Variants in MARCHF3 observed in about 807,000 individuals in gnomAD.
MARCHF3 encodes the protein E3 ubiquitin-protein ligase MARCHF3.
MARCHF3 carries 13 observed loss-of-function variants against 24.2 expected under a neutral mutation model. The observed-to-expected ratio is 0.54, with a 90% CI of 0.35 to 0.85. The LOEUF is 0.85. Among genes scored for constraint, MARCHF3 ranks in the 40% least tolerant of loss-of-function variants. The probability of loss-of-function intolerance (pLI) is 0.01; values close to 1 mark genes in which losing one functional copy is unlikely to be tolerated. For synonymous variants in MARCHF3, 144 were observed against 137.3 expected (o/e 1.05, Z -0.34); for missense variants, 276 against 325.0 (o/e 0.85, Z 1.16).
intron 1 of MARCHF3, among the ~76,000 whole-genome samples, chr5:126,938,545 A>C (rs1374534722): frequency 6.6e-6 from 1 of 151,896 alleles, no homozygotes; most frequent in African/African-American, 2.4e-5. Flanking sequence ...AAAAAAGCAA[A>C]AAAAGCAAAA....
At chr5:126,872,557 G>T (rs1366669338) in intron 4 of MARCHF3, among the ~76,000 whole-genome samples, 2 of 152,092 alleles carry the variant, frequency 1.3e-5, no homozygotes, top group Non-Finnish European at 2.9e-5. Flanking sequence ...TCTGGGAGTA[G>T]GTGTGTTGTG....
At chr5:126,960,925 C>T (rs1005375130) in intron 1 of MARCHF3, among the ~76,000 whole-genome samples, 1 of 151,944 alleles carries the variant, frequency 6.6e-6, no homozygotes, top group Admixed American at 6.6e-5. Context: ...AATGATCAGA[C>T]AATAAATATT....
intron 4 of MARCHF3, among the ~76,000 whole-genome samples, chr5:126,877,950 A>G (rs1392981131): frequency 6.6e-6 from 1 of 152,206 alleles, no homozygotes; most frequent in Non-Finnish European, 1.5e-5. Flanking sequence ...ACTGATGGAC[A>G]CCCAGAAGCC....
chr5:126,960,589 T>G (rs369261040), intron 1 of MARCHF3, among the ~76,000 whole-genome samples: 1 of 152,128 alleles, frequency 6.6e-6, no homozygotes, highest in South Asian at 2.1e-4. Flanking sequence ...TTTTGTAAAA[T>G]GAATCTAAGA....
At chr5:126,995,418 T>C (rs1751918746) in intron 1 of MARCHF3, among the ~76,000 whole-genome samples, 3 of 152,246 alleles carry the variant, frequency 2.0e-5, no homozygotes, top group Non-Finnish European at 2.9e-5. Context: ...TCTAACTGCC[T>C]GGGTGCCACT....
Position 126,956,664 on chromosome 5 carries a change from A to AAC in MARCHF3, c.-56-38438_-56-38437insGT, listed in dbSNP as rs1561446051. ...TGTCTCCAAAAAAAAAAAAAAAAAA[A>AAC]AAAAAAACCAAAAAAACAACAACAA... On this transcript the variant is annotated intron_variant, in intron 1 of 4. Coordinates refer to ENST00000308660, the MANE Select transcript of MARCHF3 (RefSeq NM_178450.5). 1.1e-3 allele frequency among the ~76,000 whole-genome samples: 154 copies of AAC among 143,492 alleles called. 2 individuals are homozygous for AAC. The highest frequency in any genetic ancestry group is 3.7e-3 in the African/African-American group (144 of 39,202). 94.1% of individuals were successfully genotyped at this position (143,492 alleles called of 152,430 possible).
chr5:127,011,854 A>T (rs1752485054), intron 1 of MARCHF3, among the ~76,000 whole-genome samples: 1 of 152,204 alleles, frequency 6.6e-6, no homozygotes, highest in South Asian at 2.1e-4. Flanking sequence ...TTTAATTGGC[A>T]TTCAGAGGTC....
intron 3 of MARCHF3, among the ~76,000 whole-genome samples, chr5:126,908,516 G>A (rs539171041): frequency 1.1e-4 from 16 of 152,100 alleles, no homozygotes; most frequent in East Asian, 3.9e-4. Context: ...GGCTTTGCTC[G>A]TTTCTTTTTA....
At position 126,911,532 on chromosome 5, in the gene MARCHF3, T is replaced by C. The variant is rs147642020; in HGVS notation, c.393+3398A>G. 3.3e-5 allele frequency among the ~76,000 whole-genome samples: 5 copies of C among 152,334 alleles called. No individual in the cohort carries two copies. In the East Asian group the frequency reaches 9.6e-4, roughly 29 times the overall value. On this transcript the variant is annotated intron_variant, in intron 3 of 4. Transcript: ENST00000308660. ...TGCTTTTCTTTCAAGCTTTGTGTGA[T>C]TGGACATAGACCTTATGAGATTTGC... is the stretch of plus-strand genomic sequence containing the variant.
At chr5:126,961,656 G>C (rs1410544416) in intron 1 of MARCHF3, among the ~76,000 whole-genome samples, 3 of 152,056 alleles carry the variant, frequency 2.0e-5, no homozygotes, top group African/African-American at 7.2e-5. Context: ...GTCTGCCCTG[G>C]TATTCTTTGG....
chr5:126,915,120 C>T lies in MARCHF3; in HGVS notation c.203G>A (p.Arg68Gln), dbSNP rs34821177. Residue 68 changes from arginine to glutamine, a missense_variant, in exon 3 of 5, where the codon CGG becomes CAG. Physicochemically the swap from Arg to Gln is conservative, Grantham distance 43. Coordinates refer to ENST00000308660, the MANE Select transcript of MARCHF3 (RefSeq NM_178450.5). Reference protein sequence around the residue: ...TLATQSPFNDRPMCRICHEGS... With the variant: ...TLATQSPFNDQPMCRICHEGS... ...CTCGTGGCAGATCCTGCACATCGGC[C>T]GGTCATTGAAGGGGCTGCAAGAGAA... 0.027 allele frequency: 44,182 copies of T among 1,613,638 alleles called. 836 individuals carry two copies. Among genetic ancestry groups the T allele is most frequent in the Non-Finnish European group, 0.029 (34,744 of 1,179,976 alleles).
intron 1 of MARCHF3, among the ~76,000 whole-genome samples, chr5:127,015,377 A>C (rs1752606940): frequency 6.6e-6 from 1 of 152,174 alleles, no homozygotes; most frequent in Non-Finnish European, 1.5e-5. Context: ...ATGAGCAGGG[A>C]GGAGGGGAAA....
In MARCHF3 at chr5:126,947,472, AT is replaced by A. The variant is rs1487307532; in HGVS notation, c.-56-29246del. Reference sequence around the variant, plus strand: ...TAGGGCAGTGAAAATGCTCTGGATGATACTATGTAGTGGATATGTGTCATTA... The same window carrying A: ...TAGGGCAGTGAAAATGCTCTGGATGAACTATGTAGTGGATATGTGTCATTA... On this transcript the variant is annotated intron_variant, in intron 1 of 4. Transcript: ENST00000308660. 3.9e-5 allele frequency among the ~76,000 whole-genome samples: 6 copies of A among 152,362 alleles called. No individual in the cohort carries two copies. The East Asian group carries it at 1.2e-3, about 29-fold the overall frequency.
intron 1 of MARCHF3, among the ~76,000 whole-genome samples, chr5:126,983,650 C>T (rs768459576): frequency 3.7e-4 from 56 of 152,188 alleles, no homozygotes; most frequent in Non-Finnish European, 4.0e-4. Context: ...ATTTATGATG[C>T]TGAGGTCAGT....
rs572407253 is a variant in MARCHF3 at position 126,911,348 on chromosome 5, C to T, written c.393+3582G>A. On this transcript the variant is annotated intron_variant, in intron 3 of 4. Transcript: ENST00000308660. Reference sequence around the variant, plus strand: ...TTACGGCTCAGGGGGCATCACAGAACCTGCCGACATGTGATGTCTCCCCCA... The same window carrying T: ...TTACGGCTCAGGGGGCATCACAGAATCTGCCGACATGTGATGTCTCCCCCA... Among the ~76,000 whole-genome samples, 18 of 152,196 alleles carry T rather than the reference C, an allele frequency of 1.2e-4. No individual in the cohort carries two copies. The East Asian group carries it at 3.5e-3, about 29-fold the overall frequency.
chr5:126,872,744 G>C (rs942291768), intron 4 of MARCHF3, among the ~76,000 whole-genome samples: 4 of 152,200 alleles, frequency 2.6e-5, no homozygotes, highest in African/African-American at 9.7e-5. Flanking sequence ...GAAAGCAGAT[G>C]CCACGGGCCG....
At chr5:126,927,011 A>G (rs1349344538) in intron 1 of MARCHF3, among the ~76,000 whole-genome samples, 1 of 152,064 alleles carries the variant, frequency 6.6e-6, no homozygotes, top group Non-Finnish European at 1.5e-5. Flanking sequence ...AGACACAACT[A>G]CTGACATCTG....
chr5:127,011,721 T>G (rs1238223310), intron 1 of MARCHF3, among the ~76,000 whole-genome samples: 3 of 152,210 alleles, frequency 2.0e-5, no homozygotes, highest in Non-Finnish European at 2.9e-5. Flanking sequence ...TTAAGAGAAT[T>G]CATTTTTAAC....
chr5:126,992,121 T>G (rs992418521), intron 1 of MARCHF3, among the ~76,000 whole-genome samples: 1 of 151,068 alleles, frequency 6.6e-6, no homozygotes, highest in Non-Finnish European at 1.5e-5. Flanking sequence ...AACCTGTGAT[T>G]GTTCCCCCAC....
Sources: allele counts gnomAD v4.1 joint callset (sites outside exome capture counted in the v4.1 genomes callset), GRCh38; gene constraint gnomAD v4.1.1; transcripts MANE v1.5; gene names NCBI Gene and HGNC (gene_info 2026-07-23, HGNC 2026-07-21).